The following ZNF385D variants were observed in gnomAD, a reference collection of about 807,000 sequenced individuals.
ZNF385D encodes zinc finger protein 659.
A neutral mutation model predicts 35.8 loss-of-function variants in ZNF385D; 15 were observed. That is an observed-to-expected ratio of 0.42 (90% CI 0.28 to 0.64). The LOEUF is 0.64. ZNF385D is among the 30% of genes least tolerant of loss of function. ZNF385D has a pLI of 0.23. For synonymous variants in ZNF385D, 212 were observed against 186.8 expected, an observed-to-expected ratio of 1.13 and a Z score of -1.10; for missense variants, 474 against 494.6, an observed-to-expected ratio of 0.96 and a Z score of 0.39.
intron 2 of ZNF385D, among the ~76,000 whole-genome samples, chr3:22,242,850 T>A (rs1423483652): frequency 1.3e-5 from 2 of 150,036 alleles, no homozygotes; most frequent in Admixed American, 1.3e-4. Flanking sequence ...CAGAAACTAA[T>A]GTTTCTGTTA....
At chr3:21,854,194 T>G (rs1468042562) in intron 3 of ZNF385D, among the ~76,000 whole-genome samples, 1 of 151,758 alleles carries the variant, frequency 6.6e-6, no homozygotes, top group Non-Finnish European at 1.5e-5. Flanking sequence ...ATTCTCATCT[T>G]GGGCCGCTCC....
At chr3:22,201,569 G>A (rs1023940358) in intron 2 of ZNF385D, among the ~76,000 whole-genome samples, 4 of 151,932 alleles carry the variant, frequency 2.6e-5, no homozygotes, top group Non-Finnish European at 4.4e-5. Flanking sequence ...TGAATTGTAG[G>A]TATTTGTAAA....
intron 3 of ZNF385D, among the ~76,000 whole-genome samples, chr3:21,756,821 G>A (rs913392091): frequency 1.3e-5 from 2 of 152,256 alleles, no homozygotes; most frequent in Middle Eastern, 3.4e-3. Context: ...AAAACAGTTT[G>A]AAAATTAAAT....
rs1036325441 is a variant in ZNF385D at position 21,414,121 on chromosome 3, C to T, written c.*7093G>A. The T allele has an allele frequency of 9.9e-5, 15 of 151,984 alleles. No individual in the cohort carries two copies. Among genetic ancestry groups the T allele is most frequent in the African/African-American group, 3.6e-4 (15 of 41,394 alleles). 9.4% of individuals were successfully genotyped at this position (151,984 alleles called of 1,614,324 possible). The stretch of plus-strand genomic sequence containing the variant: ...TTAGAAGAAATTATTGACTAAGTTT[C>T]ATGTGCTAGGATATAACTTATTTTT... On this transcript the variant is annotated 3_prime_UTR_variant, in exon 8 of 8. Transcript: ENST00000281523.
chr3:21,699,497 A>G (rs1480598690), intron 1 of ZNF385D, among the ~76,000 whole-genome samples: 1 of 152,186 alleles, frequency 6.6e-6, no homozygotes, highest in Non-Finnish European at 1.5e-5. Flanking sequence ...TAATAAAAAA[A>G]AATGAAATAA....
At chr3:22,175,408 G>C (rs951265765) in intron 2 of ZNF385D, among the ~76,000 whole-genome samples, 1 of 151,860 alleles carries the variant, frequency 6.6e-6, no homozygotes, top group South Asian at 2.1e-4. Context: ...ATTATCATAA[G>C]TGGATTTTAA....
At chr3:21,759,544 T>C (rs929320339) in intron 3 of ZNF385D, among the ~76,000 whole-genome samples, 1 of 152,126 alleles carries the variant, frequency 6.6e-6, no homozygotes, top group African/African-American at 2.4e-5. Context: ...GACAGAAATA[T>C]AATAATATGC....
chr3:22,336,540 C>G (rs1404524614), intron 2 of ZNF385D, among the ~76,000 whole-genome samples: 1 of 151,906 alleles, frequency 6.6e-6, no homozygotes, highest in Non-Finnish European at 1.5e-5. Flanking sequence ...AAGCTGGTGA[C>G]CTACAGAGGA....
intron 3 of ZNF385D, among the ~76,000 whole-genome samples, chr3:22,047,599 T>C (rs773863548): frequency 4.1e-4 from 62 of 152,156 alleles, no homozygotes; most frequent in Non-Finnish European, 7.6e-4. Context: ...TAATGCTGAA[T>C]AGTTCATTGT....
intron 3 of ZNF385D, among the ~76,000 whole-genome samples, chr3:22,026,447 G>A (rs558744221): frequency 4.6e-5 from 7 of 152,178 alleles, no homozygotes; most frequent in East Asian, 3.9e-4. Flanking sequence ...ACTACTGGAC[G>A]CTGGCTCTGA....
intron 3 of ZNF385D, among the ~76,000 whole-genome samples, chr3:21,808,940 A>C (rs2072777089): frequency 6.6e-6 from 1 of 152,234 alleles, no homozygotes; most frequent in Non-Finnish European, 1.5e-5. Flanking sequence ...TTTGAACTAC[A>C]GTTCTCGAAG....
chr3:22,122,717 T>C (rs1703158629), intron 3 of ZNF385D, among the ~76,000 whole-genome samples: 1 of 152,106 alleles, frequency 6.6e-6, no homozygotes. Context: ...ATATGGAAAG[T>C]ACCAAGAAAG....
At chr3:22,310,589 A>C (rs1304082541) in intron 2 of ZNF385D, among the ~76,000 whole-genome samples, 1 of 151,972 alleles carries the variant, frequency 6.6e-6, no homozygotes, top group Non-Finnish European at 1.5e-5. Context: ...AACTCAAATA[A>C]AATGACATCT....
rs543900837 is a variant in ZNF385D, at chr3:22,160,276, T to A, written c.325+8541A>T. ...GGTATCATTAAGAAAGAAGTTACCA[T>A]TATGAAATAAAATTATGCCAAAAGA... is the stretch of plus-strand genomic sequence containing the variant. On this transcript the variant is annotated intron_variant, in intron 3 of 5. Coordinates refer to the ZNF385D transcript ENST00000494108. Among the ~76,000 whole-genome samples the A allele has an allele frequency of 5.3e-5, 8 of 152,206 alleles. No homozygotes were observed. The South Asian group carries it at 1.5e-3, about 28-fold the overall frequency.
At chr3:22,107,921 C>A (rs543591567) in intron 3 of ZNF385D, among the ~76,000 whole-genome samples, 6 of 151,606 alleles carry the variant, frequency 4.0e-5, no homozygotes, top group Admixed American at 6.6e-5. Context: ...GTGATTAGGC[C>A]GTGAGGACTC....
At chr3:21,769,053 T>A (rs1396125604) in intron 3 of ZNF385D, among the ~76,000 whole-genome samples, 4 of 152,024 alleles carry the variant, frequency 2.6e-5, no homozygotes, top group Non-Finnish European at 5.9e-5. Flanking sequence ...AATACCTAAT[T>A]TATTGAGAGT....
At chr3:22,245,841 T>G (rs1054342241) in intron 2 of ZNF385D, among the ~76,000 whole-genome samples, 1 of 152,070 alleles carries the variant, frequency 6.6e-6, no homozygotes, top group South Asian at 2.1e-4. Flanking sequence ...TTGGAAAGAA[T>G]TGTGATTGGA....
intron 2 of ZNF385D, among the ~76,000 whole-genome samples, chr3:22,170,087 A>G (rs1694307746): frequency 6.6e-6 from 1 of 152,202 alleles, no homozygotes; most frequent in African/African-American, 2.4e-5. Flanking sequence ...TCTCTAGCAC[A>G]CTATGGTCCA....
intron 2 of ZNF385D, among the ~76,000 whole-genome samples, chr3:22,246,509 T>C (rs1699790578): frequency 6.6e-6 from 1 of 152,156 alleles, no homozygotes; most frequent in Non-Finnish European, 1.5e-5. Flanking sequence ...ATAAGCCTTC[T>C]GATGCACTTC....
Sources: gnomAD v4.1 joint callset for allele counts (sites outside exome capture counted in the v4.1 genomes callset) on GRCh38, gnomAD v4.1.1 for gene constraint, MANE v1.5 for transcripts, NCBI Gene and HGNC (gene_info 2026-07-23, HGNC 2026-07-21) for gene names.